LTBP1: variants seen among roughly 807,000 people sequenced by gnomAD.
The protein encoded by LTBP1 is latent-transforming growth factor beta-binding protein 1.
LTBP1 carries 129 observed loss-of-function variants against 207.6 expected under a neutral mutation model. That is an observed-to-expected ratio of 0.62 (90% CI 0.54 to 0.72). The LOEUF (loss-of-function observed/expected upper bound fraction) is 0.72, where lower values mean the gene tolerates loss of function less well. Among genes scored for constraint, LTBP1 ranks in the 30% least tolerant of loss-of-function variants. The pLI is 0.00. For synonymous variants in LTBP1, 963 were observed against 833.7 expected (o/e 1.16, Z -2.67); for missense variants, 2,281 against 2,217.2 (o/e 1.03, Z -0.58).
chr2:33,008,955 G>A lies in LTBP1; in HGVS notation c.566-11954G>A, dbSNP rs1264689957. The stretch of plus-strand genomic sequence containing the variant: ...TCTGGGGACCAGCAAGCAAGCCAGG[G>A]TGACCGGAGTGTGGCACTCAAGGGA... On this transcript the variant is annotated intron_variant, in intron 2 of 33. Coordinates refer to ENST00000404816, the MANE Select transcript of LTBP1 (RefSeq NM_206943.4). Among the ~76,000 whole-genome samples the A allele has an allele frequency of 3.3e-5, 5 of 152,224 alleles. No homozygotes were observed. The East Asian group carries it at 9.6e-4, about 29-fold the overall frequency.
intron 2 of LTBP1, among the ~76,000 whole-genome samples, chr2:32,956,745 C>G (rs1678135617): frequency 6.6e-6 from 1 of 152,136 alleles, no homozygotes; most frequent in East Asian, 1.9e-4. Context: ...TTTACTTTGC[C>G]CAAATCCATC....
chr2:33,198,873 A>G (rs1227877742), intron 7 of LTBP1, among the ~76,000 whole-genome samples: 6 of 151,998 alleles, frequency 3.9e-5, no homozygotes, highest in Admixed American at 6.6e-5. Context: ...TAATTTTTTG[A>G]AGGGTTTTTT....
chr2:33,389,048 G>A (rs1033737616), intron 31 of LTBP1, 136 bp from the exon 32 acceptor site: 24 of 1,212,768 alleles, frequency 2.0e-5, no homozygotes, highest in Middle Eastern at 2.8e-4. Flanking sequence ...ACACTTTCCA[G>A]GCTCAGTGGT....
chr2:33,373,603 A>G (rs2095098560), intron 31 of LTBP1, among the ~76,000 whole-genome samples: 1 of 152,202 alleles, frequency 6.6e-6, no homozygotes, highest in African/African-American at 2.4e-5. Flanking sequence ...AATGCTAGGA[A>G]GAATTATCAT....
At chr2:33,292,922 T>C (rs1023103478) in intron 19 of LTBP1, among the ~76,000 whole-genome samples, 1 of 152,218 alleles carries the variant, frequency 6.6e-6, no homozygotes, top group African/African-American at 2.4e-5. Context: ...CTTGAATTTA[T>C]TCACAGAGCA....
intron 31 of LTBP1, among the ~76,000 whole-genome samples, chr2:33,372,377 C>T (rs1247959082): frequency 6.6e-6 from 1 of 152,118 alleles, no homozygotes; most frequent in African/African-American, 2.4e-5. Context: ...GATTTTAGAG[C>T]TAACAATGAG....
chr2:33,184,368 G>A (rs1005029981), intron 5 of LTBP1, among the ~76,000 whole-genome samples: 5 of 152,068 alleles, frequency 3.3e-5, no homozygotes, highest in African/African-American at 1.2e-4. Flanking sequence ...TTTATCACCT[G>A]ATCTCTTCCC....
rs139147381 is a variant in LTBP1 at position 33,367,639 on chromosome 2, T to G, written c.4711+2136T>G. Reference sequence around the variant, plus strand: ...TGCTTCTGAGTAATTTCAATTAGGATAGTGACCTCCAGTTCCGCCCATGTT... The same window carrying G: ...TGCTTCTGAGTAATTTCAATTAGGAGAGTGACCTCCAGTTCCGCCCATGTT... On this transcript the variant is annotated intron_variant, in intron 31 of 33. Transcript: ENST00000404816. Among the ~76,000 whole-genome samples, 454 of 152,320 alleles carry G rather than the reference T, an allele frequency of 3.0e-3. 2 individuals carry two copies. The highest frequency in any genetic ancestry group is 0.01 in the African/African-American group (423 of 41,572).
In LTBP1 at chr2:33,335,703, T is replaced by C. The variant is rs183458404; in HGVS notation, c.3731-7135T>C. ...AGCAGCCATGCCATTTTAAAATTCT[T>C]TTGGGCAGCTATTCAGCTGGTTTAA... On this transcript the variant is annotated intron_variant, in intron 24 of 33. Transcript: ENST00000404816. Among the ~76,000 whole-genome samples, 328 of 152,316 alleles carry C rather than the reference T, an allele frequency of 2.2e-3. 1 individual carries two copies. Among genetic ancestry groups the C allele is most frequent in the African/African-American group, 7.4e-3 (307 of 41,568 alleles).
chr2:33,259,519 A>G, intron 12 of LTBP1, 69 bp from the exon 13 acceptor site: 2 of 1,117,272 alleles, frequency 1.8e-6, no homozygotes, highest in Admixed American at 4.8e-5. Context: ...ATTGTTTTTT[A>G]AGAATTGAAA....
At chr2:33,064,501 A>G (rs2077413102) in intron 3 of LTBP1, among the ~76,000 whole-genome samples, 1 of 152,174 alleles carries the variant, frequency 6.6e-6, no homozygotes, top group South Asian at 2.1e-4. Context: ...CCTAAGCTTC[A>G]TGGGGTAATG....
intron 5 of LTBP1, among the ~76,000 whole-genome samples, chr2:33,157,701 C>T (rs551048456): frequency 1.3e-5 from 2 of 152,270 alleles, no homozygotes; most frequent in South Asian, 2.1e-4. Context: ...ATTTCTAATG[C>T]AGTTTGCATG....
intron 3 of LTBP1, among the ~76,000 whole-genome samples, chr2:33,038,708 A>G (rs1449101593): frequency 2.0e-5 from 3 of 152,258 alleles, no homozygotes; most frequent in Non-Finnish European, 4.4e-5. Context: ...TTTGGAGGCT[A>G]GACCATAAAG....
chr2:33,273,750 C>T lies in LTBP1; in HGVS notation c.2712C>T (p.Tyr904=), dbSNP rs2148374854. 2 of 1,610,368 alleles carry T rather than the reference C, an allele frequency of 1.2e-6. No individual in the cohort carries two copies. The highest frequency in any genetic ancestry group is 1.7e-6 in the Non-Finnish European group (2 of 1,178,352). Residue 904 remains tyrosine, a synonymous_variant, in exon 16 of 34, where the codon TAC becomes TAT. Coordinates refer to ENST00000404816, the MANE Select transcript of LTBP1 (RefSeq NM_206943.4). ...VRYTCICYEG[Y]RFSEQQRKCV... ...ATACCTGTATATGCTACGAGGGCTA[C>T]AGGTTCAGTGAACAACAGAGGAAAT...
chr2:33,115,905 T>C (rs545370045), intron 4 of LTBP1, among the ~76,000 whole-genome samples: 1 of 152,186 alleles, frequency 6.6e-6, no homozygotes, highest in Non-Finnish European at 1.5e-5. Flanking sequence ...ATAATAAGTG[T>C]CTACATCATA....
chr2:33,263,582 G>A (rs550392036), intron 15 of LTBP1, among the ~76,000 whole-genome samples, 190 bp downstream of exon 15: 9 of 152,304 alleles, frequency 5.9e-5, no homozygotes, highest in African/African-American at 2.2e-4. Flanking sequence ...ATATGAAACA[G>A]AATATCACAT....
At chr2:33,124,481 C>G (rs218199) in intron 4 of LTBP1, among the ~76,000 whole-genome samples, 6,141 of 152,172 alleles carry the variant, frequency 0.04, 153 homozygotes, top group Middle Eastern at 0.054. Flanking sequence ...GGTTGATGTT[C>G]ATTATGATAC....
intron 4 of LTBP1, among the ~76,000 whole-genome samples, chr2:33,130,085 C>T (rs1322421109): frequency 1.3e-5 from 2 of 152,156 alleles, no homozygotes; most frequent in Non-Finnish European, 2.9e-5. Flanking sequence ...ACAATAAAGT[C>T]CTGTTATTCT....
chr2:33,134,949 A>G lies in LTBP1; in HGVS notation c.1190A>G (p.Asn397Ser). 5 of 1,611,352 alleles carry G rather than the reference A, an allele frequency of 3.1e-6. No individual in the cohort carries two copies. The highest frequency in any genetic ancestry group is 3.4e-6 in the Non-Finnish European group (4 of 1,178,720). ...GHAADTLTAT[N>S]FRVVICHLPC... The stretch of plus-strand genomic sequence containing the variant: ...GCTGCCGACACCCTGACGGCCACGA[A>G]CTTCCGAGTGGGTGAGTTCCTCCAC... The change falls in exon 5 of 34, where the codon AAC (asparagine) becomes AGC (serine). Residue 397 changes from asparagine (N) to serine (S), a missense_variant. By Grantham distance (46) the Asn-to-Ser change is conservative (BLOSUM62 1). Transcript: ENST00000404816. This position sits in a 1 kb window ranked among gnomAD's most constrained non-coding sequence, Gnocchi z 4.4.
Sources: allele counts gnomAD v4.1 joint callset (sites outside exome capture counted in the v4.1 genomes callset), GRCh38; gene constraint gnomAD v4.1.1; non-coding constraint Gnocchi (gnomAD v3.1); transcripts MANE v1.5; gene names NCBI Gene and HGNC (gene_info 2026-07-23, HGNC 2026-07-21).